The following GADL1 variants were observed in gnomAD, a reference collection of about 807,000 sequenced individuals.
The protein encoded by GADL1 is GAD like acidic amino acid decarboxylase 1, also known as acidic amino acid decarboxylase GADL1.
A neutral mutation model predicts 69.5 loss-of-function variants in GADL1; 71 were observed. The observed-to-expected ratio is 1.02, with a 90% confidence interval of 0.84 to 1.25. The LOEUF is 1.25. Among genes scored for constraint, GADL1 ranks in the 50% most tolerant of loss-of-function variants. GADL1 has a pLI of 0.00. For synonymous variants in GADL1, 254 were observed against 214.4 expected (o/e 1.18, Z -1.62); for missense variants, 737 against 631.8 (o/e 1.17, Z -1.79).
At chr3:30,753,636 C>CTT (rs10663636) in intron 14 of GADL1, among the ~76,000 whole-genome samples, 64,561 of 151,846 alleles carry the variant, frequency 0.43, 14,245 homozygotes, top group African/African-American at 0.53. Context: ...TAAGATCACT[C>CTT]TTGTTTACTT....
Position 30,736,567 on chromosome 3 carries a change from G to C in GADL1, c.1393-8152C>G, listed in dbSNP as rs181459452. ...ACATTATTTCATTATTATCTCTTGA[G>C]ACATGAACATTTGCAAGTGCTATGA... On this transcript the variant is annotated intron_variant, in intron 14 of 14. Coordinates refer to ENST00000282538, the MANE Select transcript of GADL1 (RefSeq NM_207359.3). 1.4e-4 allele frequency among the ~76,000 whole-genome samples: 22 copies of C among 152,200 alleles called. No individual in the cohort carries two copies. The East Asian group carries it at 3.9e-3, about 27-fold the overall frequency.
intron 12 of GADL1, among the ~76,000 whole-genome samples, chr3:30,794,335 C>T (rs1696984252): frequency 6.6e-6 from 1 of 152,094 alleles, no homozygotes; most frequent in Non-Finnish European, 1.5e-5. Context: ...CTCTTCTAGC[C>T]TGCTTGAAAA....
intron 14 of GADL1, among the ~76,000 whole-genome samples, chr3:30,757,857 T>G (rs957374610): frequency 6.6e-5 from 10 of 152,138 alleles, no homozygotes; most frequent in African/African-American, 2.2e-4. Context: ...GCTCAGATTA[T>G]CAGCAGTTCA....
intron 11 of GADL1, among the ~76,000 whole-genome samples, chr3:30,828,284 G>A (rs1191420024): frequency 1.3e-5 from 2 of 151,774 alleles, no homozygotes; most frequent in East Asian, 3.9e-4. Context: ...ACGAAAATGG[G>A]GCTAAGTAAC....
intron 1 of GADL1, among the ~76,000 whole-genome samples, chr3:30,885,457 C>A (rs934889401): frequency 1.3e-5 from 2 of 152,000 alleles, no homozygotes; most frequent in African/African-American, 4.8e-5. Context: ...GTGAGAAAAG[C>A]ATTTAAGCAA....
Position 30,832,816 on chromosome 3 carries a change from A to G in GADL1, c.1050+1037T>C, listed in dbSNP as rs914559722. ...TTAAAAATTAAATGGTATTGAATAC[A>G]TTCAACTCTATCCAACCTAATAAAA... On this transcript the variant is annotated intron_variant, in intron 11 of 14. Transcript: ENST00000282538. 1.3e-5 allele frequency among the ~76,000 whole-genome samples: 2 copies of G among 152,160 alleles called. 1 individual carries two copies.
intron 14 of GADL1, among the ~76,000 whole-genome samples, chr3:30,764,660 C>A (rs749534048): frequency 6.6e-6 from 1 of 152,164 alleles, no homozygotes; most frequent in Non-Finnish European, 1.5e-5. Context: ...GGCAAGTTCC[C>A]ATGTGAATTC....
At chr3:30,779,978 C>T (rs1696624770) in intron 13 of GADL1, among the ~76,000 whole-genome samples, 2 of 152,302 alleles carry the variant, frequency 1.3e-5, no homozygotes, top group South Asian at 4.1e-4. Flanking sequence ...TTCAGCAGTA[C>T]TGGTGACCAG....
intron 11 of GADL1, among the ~76,000 whole-genome samples, chr3:30,827,138 T>C (rs1697693948): frequency 6.6e-6 from 1 of 151,934 alleles, no homozygotes; most frequent in South Asian, 2.1e-4. Context: ...CATTTGGTGG[T>C]ATTGGAAATA....
At chr3:30,830,212 G>T (rs1020337927) in intron 11 of GADL1, among the ~76,000 whole-genome samples, 2 of 151,944 alleles carry the variant, frequency 1.3e-5, no homozygotes, top group South Asian at 4.1e-4. Context: ...CCTACCCTAT[G>T]CCTGGAAGTC....
chr3:30,888,905 T>C (rs759229132), intron 1 of GADL1, among the ~76,000 whole-genome samples: 7 of 151,814 alleles, frequency 4.6e-5, no homozygotes, highest in Non-Finnish European at 1.0e-4. Flanking sequence ...AACAATGTCA[T>C]ATGTTCCCAG....
chr3:30,780,344 C>T (rs1406478286), intron 13 of GADL1, among the ~76,000 whole-genome samples: 1 of 152,200 alleles, frequency 6.6e-6, no homozygotes, highest in Non-Finnish European at 1.5e-5. Context: ...GTCATACTCT[C>T]TCTGAAGAGG....
chr3:30,849,509 A>C (rs1698112427), intron 6 of GADL1, among the ~76,000 whole-genome samples: 1 of 151,858 alleles, frequency 6.6e-6, no homozygotes, highest in African/African-American at 2.4e-5. Context: ...GGAGAGTAAA[A>C]TAAGAGATGG....
chr3:30,800,806 GACACACACACACACAC>G lies in GADL1; in HGVS notation c.1250+67_1250+82del, dbSNP rs35529398. 7.5e-3 allele frequency: 5,468 copies of G among 725,940 alleles called. 80 individuals are homozygous for G. Among genetic ancestry groups the G allele is most frequent in the African/African-American group, 0.059 (3,144 of 52,874 alleles). 45.0% of individuals were successfully genotyped at this position (725,940 alleles called of 1,614,324 possible). A position where few individuals can be genotyped will look rare whatever the true frequency, so the allele number is the denominator to read the frequency against. ...GGTCTTCCTATTACAGACACAGATA[GACACACACACACACAC>G]ACACACACACACACACACACACACA... On this transcript the variant is annotated intron_variant, in intron 12 of 14. Coordinates refer to ENST00000282538, the MANE Select transcript of GADL1 (RefSeq NM_207359.3).
At chr3:30,790,623 TAG>T (rs1449889888) in intron 12 of GADL1, among the ~76,000 whole-genome samples, 1 of 152,174 alleles carries the variant, frequency 6.6e-6, no homozygotes. Flanking sequence ...AAGAATATGA[TAG>T]AAAGTTGCTA....
chr3:30,761,805 C>G (rs1170284706), intron 14 of GADL1, among the ~76,000 whole-genome samples: 6 of 152,154 alleles, frequency 3.9e-5, no homozygotes, highest in Non-Finnish European at 8.8e-5. Context: ...CACCTAGTAG[C>G]TCTACCAATT....
intron 14 of GADL1, among the ~76,000 whole-genome samples, chr3:30,736,599 T>A (rs1695544870): frequency 1.3e-5 from 2 of 152,186 alleles, no homozygotes; most frequent in East Asian, 1.9e-4. Flanking sequence ...ATGAAAAACA[T>A]GAAATAATTT....
intron 14 of GADL1, among the ~76,000 whole-genome samples, chr3:30,761,698 C>A (rs1696138544): frequency 7.4e-6 from 1 of 135,504 alleles, no homozygotes; most frequent in Non-Finnish European, 1.6e-5. Flanking sequence ...TAGACATATC[C>A]ATTTGTGTGT....
At position 30,844,393 on chromosome 3, in the gene GADL1, T is replaced by A. The variant is rs780494023; in HGVS notation, c.725A>T (p.Asp242Val). Residue 242 changes from aspartate (D) to valine (V), a missense_variant, in exon 7 of 15, where the codon GAT (aspartate) becomes GTT (valine). Asp to Val is a radical substitution (Grantham distance 152, BLOSUM62 -3). Transcript: ENST00000282538. ...GTENVCFVET[D>V]GRGKMIPEEL... is the part of the protein sequence containing the mutation. ...CAGATCCTGTTCCCATTACCTTCCA[T>A]CTGTTTCCACAAAGCAAACATTCTC... 22 of 1,611,776 alleles carry A rather than the reference T, an allele frequency of 1.4e-5. No homozygotes were observed. The highest frequency in any genetic ancestry group is 1.9e-5 in the Non-Finnish European group (22 of 1,177,956).
Sources: gnomAD v4.1 joint callset for allele counts (sites outside exome capture counted in the v4.1 genomes callset) on GRCh38, gnomAD v4.1.1 for gene constraint, MANE v1.5 for transcripts, NCBI Gene and HGNC (gene_info 2026-07-23, HGNC 2026-07-21) for gene names.